Variants in PITPNC1 observed in about 807,000 individuals in gnomAD.
PITPNC1 encodes the protein cytoplasmic phosphatidylinositol transfer protein 1.
In PITPNC1, 18 loss-of-function variants were observed where a neutral mutation model predicts 44.7. The observed-to-expected ratio is 0.40, with a 90% CI of 0.28 to 0.60. The LOEUF (loss-of-function observed/expected upper bound fraction) is 0.60. Ranked by LOEUF, PITPNC1 falls within the 20% of genes least tolerant of loss-of-function variation. The pLI is 0.39. For missense variants in PITPNC1, 290 were observed against 418.4 expected, an observed-to-expected ratio of 0.69 and a Z score of 2.68; for synonymous variants, 141 against 149.6, an observed-to-expected ratio of 0.94 and a Z score of 0.42.
chr17:67,494,161 CTCTT>C (rs1555657746), intron 1 of PITPNC1, among the ~76,000 whole-genome samples: 3,708 of 103,958 alleles, frequency 0.036, 152 homozygotes, highest in South Asian at 0.053. Context: ...TATGTGTAAC[CTCTT>C]TCTTTCTTTC....
At position 67,508,108 on chromosome 17, in the gene PITPNC1, C is replaced by T. The variant is rs1361232547; in HGVS notation, c.49-24694C>T. 1.3e-5 allele frequency among the ~76,000 whole-genome samples: 2 copies of T among 152,134 alleles called. No individual in the cohort carries two copies. Among genetic ancestry groups the T allele is most frequent in the Non-Finnish European group, 2.9e-5 (2 of 68,022 alleles). On this transcript the variant is annotated intron_variant, in intron 1 of 8. Transcript: ENST00000581322. The surrounding 1 kb of genome is among the most constrained non-coding windows in gnomAD (Gnocchi z 4.2). ...CTCCGTTCTCCCATCCTACCAGTTACGCAGCCAGAAAATTGAATGTCCTCA... is the reference window on the plus strand; with the variant it reads ...CTCCGTTCTCCCATCCTACCAGTTATGCAGCCAGAAAATTGAATGTCCTCA...
chr17:67,392,053 T>C (rs2038146107), intron 1 of PITPNC1, among the ~76,000 whole-genome samples: 1 of 152,200 alleles, frequency 6.6e-6, no homozygotes, highest in African/African-American at 2.4e-5. Context: ...TTCCTTTTAA[T>C]GGCAGTAAAA....
At position 67,521,334 on chromosome 17, in the gene PITPNC1, T is replaced by C. The variant is rs141990381; in HGVS notation, c.49-11468T>C. Among the ~76,000 whole-genome samples the C allele has an allele frequency of 2.0e-4, 30 of 152,358 alleles. No individual in the cohort carries two copies. The East Asian group carries it at 5.0e-3, about 25-fold the overall frequency. On this transcript the variant is annotated intron_variant, in intron 1 of 8. Coordinates refer to ENST00000581322, the MANE Select transcript of PITPNC1 (RefSeq NM_012417.4). ...TAACCCAGCTTCTTAAATCTTTTTA[T>C]CAGTTTTTTCATTCCCATACCCTGG...
At chr17:67,495,040 G>GTTTTTGTTTT (rs2039926975) in intron 1 of PITPNC1, among the ~76,000 whole-genome samples, 2 of 64,704 alleles carry the variant, frequency 3.1e-5, no homozygotes, top group African/African-American at 6.7e-5. Context: ...CCATGGAGTT[G>GTTTTTGTTTT]TTTTTTTTTT....
intron 1 of PITPNC1, among the ~76,000 whole-genome samples, chr17:67,445,241 T>C (rs1224623276): frequency 2.0e-5 from 3 of 151,672 alleles, no homozygotes; most frequent in African/African-American, 7.3e-5. Flanking sequence ...GGATCAGAGG[T>C]GATTGTTTTC....
intron 1 of PITPNC1, among the ~76,000 whole-genome samples, chr17:67,505,885 T>A (rs925397503): frequency 2.0e-5 from 3 of 152,238 alleles, no homozygotes; most frequent in Non-Finnish European, 4.4e-5. Flanking sequence ...TAACTCTCTT[T>A]TCCCTCGCAA....
At chr17:67,670,205 C>T (rs2042490299) in intron 7 of PITPNC1, among the ~76,000 whole-genome samples, 1 of 152,200 alleles carries the variant, frequency 6.6e-6, no homozygotes, top group Admixed American at 6.5e-5. Context: ...CTGTGACCTC[C>T]ATGTCTATTA....
intron 1 of PITPNC1, among the ~76,000 whole-genome samples, chr17:67,528,495 CT>C (rs1232418414): frequency 1.3e-5 from 2 of 152,216 alleles, no homozygotes; most frequent in Admixed American, 1.3e-4. Flanking sequence ...CTTTCTATGT[CT>C]TTGGATGTTG....
rs1395869141 is a variant in PITPNC1, at chr17:67,594,167, C to T, written c.366+15910C>T. Among the ~76,000 whole-genome samples the T allele has an allele frequency of 2.0e-5, 3 of 152,190 alleles. No individual in the cohort carries two copies. The East Asian group carries it at 5.8e-4, about 29-fold the overall frequency. ...AGGGTCCAAAGCAGGGCTCTGCAGC[C>T]AAGTGATAACGGGACTTCGCTGTTC... On this transcript the variant is annotated intron_variant, in intron 5 of 8. Transcript: ENST00000581322.
chr17:67,608,260 A>AC (rs199845663), intron 5 of PITPNC1, among the ~76,000 whole-genome samples: 81 of 147,888 alleles, frequency 5.5e-4, no homozygotes, highest in Middle Eastern at 3.4e-3. Flanking sequence ...AAAAAAACAA[A>AC]AAAAAAAAAC....
intron 1 of PITPNC1, among the ~76,000 whole-genome samples, chr17:67,465,588 G>C (rs189998365): frequency 7.2e-4 from 109 of 152,246 alleles, no homozygotes; most frequent in African/African-American, 2.5e-3. Flanking sequence ...TCCAGGAGCT[G>C]TCACCCACGA....
chr17:67,512,305 C>A (rs2040195560), intron 1 of PITPNC1, among the ~76,000 whole-genome samples: 1 of 152,094 alleles, frequency 6.6e-6, no homozygotes, highest in African/African-American at 2.4e-5. Context: ...TTGAGGCCAG[C>A]CTGATCAAAC....
intron 1 of PITPNC1, among the ~76,000 whole-genome samples, chr17:67,443,639 T>TC (rs1177487868): frequency 6.7e-6 from 1 of 149,492 alleles, no homozygotes; most frequent in African/African-American, 2.5e-5. Context: ...TGGTCTTTTT[T>TC]TTTTTTTTTT....
At chr17:67,604,847 A>G (rs1365002329) in intron 5 of PITPNC1, among the ~76,000 whole-genome samples, 1 of 152,116 alleles carries the variant, frequency 6.6e-6, no homozygotes, top group Non-Finnish European at 1.5e-5. Flanking sequence ...TGGGAGGCTG[A>G]GGCGGACGGA....
intron 1 of PITPNC1, among the ~76,000 whole-genome samples, chr17:67,481,150 T>C (rs1186219822): frequency 3.3e-5 from 5 of 152,364 alleles, no homozygotes; most frequent in East Asian, 1.9e-4. Flanking sequence ...GAGGTTGCAG[T>C]GCGCTGAGAT....
intron 6 of PITPNC1, among the ~76,000 whole-genome samples, chr17:67,657,121 C>T (rs1468671746): frequency 6.6e-6 from 1 of 152,000 alleles, no homozygotes; most frequent in African/African-American, 2.4e-5. Context: ...TCAGATAAGA[C>T]CAGATAATTT....
At chr17:67,406,467 T>C (rs1047669024) in intron 1 of PITPNC1, among the ~76,000 whole-genome samples, 2 of 152,206 alleles carry the variant, frequency 1.3e-5, no homozygotes, top group African/African-American at 4.8e-5. Flanking sequence ...AATCACACAA[T>C]GTATGGCCTT....
At chr17:67,610,389 G>C (rs971029874) in intron 5 of PITPNC1, among the ~76,000 whole-genome samples, 11 of 152,196 alleles carry the variant, frequency 7.2e-5, no homozygotes, top group African/African-American at 2.7e-4. Flanking sequence ...TGATTCAAGG[G>C]ATTCCGCTCC....
At chr17:67,447,489 C>T (rs1025672391) in intron 1 of PITPNC1, among the ~76,000 whole-genome samples, 10 of 151,794 alleles carry the variant, frequency 6.6e-5, no homozygotes, top group African/African-American at 2.2e-4. Context: ...TGCAGTGGTA[C>T]AATTATAGCT....
Sources: gnomAD v4.1 joint callset for allele counts (sites outside exome capture counted in the v4.1 genomes callset) on GRCh38, gnomAD v4.1.1 for gene constraint, Gnocchi (gnomAD v3.1) non-coding constraint, MANE v1.5 for transcripts, NCBI Gene and HGNC (gene_info 2026-07-23, HGNC 2026-07-21) for gene names.